TICRR: variants seen among roughly 807,000 people sequenced by gnomAD.
TICRR encodes TOPBP1 interacting checkpoint and replication regulator.
Under a neutral mutation model 178.1 loss-of-function variants are expected in TICRR, and 132 were observed. That is an observed-to-expected ratio of 0.74 (90% CI 0.64 to 0.86). The LOEUF (loss-of-function observed/expected upper bound fraction) is 0.86. TICRR is among the 40% of genes least tolerant of loss of function. TICRR has a pLI of 0.00. For missense variants in TICRR, 2,587 were observed against 2,334.3 expected (o/e 1.11, Z -2.23); for synonymous variants, 991 against 900.7 (o/e 1.10, Z -1.79).
At position 89,624,807 on chromosome 15, in the gene TICRR, TTCTC is replaced by T; in HGVS notation, c.4499_4502del (p.Ser1500CysfsTer19). ...TAAGGACAGCAGATGCTGAGAAGTC[TTCTC>T]TGTCTCACCCTGGGATTCCCCCATC... On this transcript the variant is annotated frameshift_variant, in exon 20 of 22. Transcript: ENST00000268138. LOFTEE classifies it high-confidence loss of function. 1 of 1,614,168 alleles carries T rather than the reference TTCTC, an allele frequency of 6.2e-7. No individual in the cohort carries two copies. The highest frequency in any genetic ancestry group is 8.5e-7 in the Non-Finnish European group (1 of 1,180,030).
intron 16 of TICRR, among the ~76,000 whole-genome samples, chr15:89,617,258 T>C (rs935970827): frequency 2.0e-5 from 3 of 152,240 alleles, no homozygotes; most frequent in Non-Finnish European, 4.4e-5. Context: ...ATATGGATTT[T>C]ACACACTTGT....
intron 4 of TICRR, among the ~76,000 whole-genome samples, chr15:89,587,501 GGGAATGA>G (rs1962841520): frequency 6.6e-6 from 1 of 152,084 alleles, no homozygotes; most frequent in Admixed American, 6.6e-5. Flanking sequence ...AAGCAGTCTG[GGGAATGA>G]GGAGAGAGAA....
intron 19 of TICRR, among the ~76,000 whole-genome samples, chr15:89,622,330 A>G (rs1022024747): frequency 6.6e-6 from 1 of 151,952 alleles, no homozygotes; most frequent in Non-Finnish European, 1.5e-5. Flanking sequence ...CCCTACTGCA[A>G]TTCCTACCCT....
At chr15:89,604,499 C>T (rs149740625) in intron 13 of TICRR, among the ~76,000 whole-genome samples, 185 of 152,280 alleles carry the variant, frequency 1.2e-3, no homozygotes, top group African/African-American at 4.0e-3. Context: ...AACGCCTGGG[C>T]GCAGTGGTTC....
intron 9 of TICRR, 76 bp downstream of exon 9, chr15:89,600,761 T>G (rs981001950): frequency 4.4e-6 from 3 of 682,718 alleles, no homozygotes; most frequent in Middle Eastern, 2.9e-4. Context: ...TAAAATAGAT[T>G]GTTCGTGACA....
chr15:89,591,020 A>G (rs982743110), intron 4 of TICRR, among the ~76,000 whole-genome samples: 12 of 152,172 alleles, frequency 7.9e-5, no homozygotes, highest in Non-Finnish European at 1.5e-4. Flanking sequence ...CACACTCCCC[A>G]ATACAGAGCC....
Position 89,624,666 on chromosome 15 carries a change from C to T in TICRR, c.4356C>T (p.Ser1452=), listed in dbSNP as rs1055701548. 3 of 1,613,976 alleles carry T rather than the reference C, an allele frequency of 1.9e-6. No homozygotes were observed. Among genetic ancestry groups the T allele is most frequent in the African/African-American group, 2.7e-5 (2 of 74,938 alleles). The part of the protein sequence containing the change: ...GPGLRSDWHA[S]SPLLITSDTE... ...GTCTCAGGAGTGATTGGCATGCATC[C>T]TCTCCTCTGCTCATTACAAGTGACA... is the stretch of plus-strand genomic sequence containing the variant. Residue 1452 remains serine, a synonymous_variant, in exon 20 of 22, where the codon TCC becomes TCT. Transcript: ENST00000268138.
intron 18 of TICRR, among the ~76,000 whole-genome samples, chr15:89,620,272 G>T (rs186396553): frequency 2.0e-5 from 3 of 151,526 alleles, no homozygotes; most frequent in East Asian, 3.9e-4. Context: ...GCAGTGGCAC[G>T]AACACAGCTC....
At chr15:89,617,879 T>G (rs915909988) in intron 16 of TICRR, 13 of 320,506 alleles carry the variant, frequency 4.1e-5, no homozygotes, top group Admixed American at 3.6e-4. Flanking sequence ...TTTAATAGAG[T>G]CGGGGTTTCA....
At chr15:89,593,854 A>G (rs1453844444) in intron 5 of TICRR, among the ~76,000 whole-genome samples, 1 of 152,246 alleles carries the variant, frequency 6.6e-6, no homozygotes, top group Non-Finnish European at 1.5e-5. Context: ...ATATTAAAAT[A>G]CAAATAACAC....
At chr15:89,594,854 C>T (rs1962970769) in intron 6 of TICRR, among the ~76,000 whole-genome samples, 1 of 151,958 alleles carries the variant, frequency 6.6e-6, no homozygotes, top group Non-Finnish European at 1.5e-5. Context: ...GATATTATTC[C>T]ATCTCATTGC....
At chr15:89,599,757 A>G (rs1963062584) in intron 8 of TICRR, among the ~76,000 whole-genome samples, 1 of 152,204 alleles carries the variant, frequency 6.6e-6, no homozygotes, top group Non-Finnish European at 1.5e-5. Flanking sequence ...CTGCATGATT[A>G]AGCCAGTGGT....
intron 7 of TICRR, among the ~76,000 whole-genome samples, chr15:89,597,656 C>T (rs1010980081): frequency 6.6e-6 from 1 of 152,068 alleles, no homozygotes; most frequent in Non-Finnish European, 1.5e-5. Context: ...TATAGTAAGT[C>T]CTGAAGGTTG....
Position 89,624,461 on chromosome 15 carries a change from G to C in TICRR, c.4151G>C (p.Arg1384Pro), listed in dbSNP as rs144917314. The C allele has an allele frequency of 3.7e-6, 6 of 1,614,140 alleles. No homozygotes were observed. Among genetic ancestry groups the C allele is most frequent in the Non-Finnish European group, 5.1e-6 (6 of 1,180,032 alleles). ...CCACCCCCTTCTAAAGTTGGGAAAC[G>C]GTGTAGAAAGACCTCTGATCCCAGA... is the stretch of plus-strand genomic sequence containing the variant. ...PPPPPSKVGK[R>P]CRKTSDPRRS... The change falls in exon 20 of 22, where the codon CGG becomes CCG. Residue 1384 changes from arginine to proline, a missense_variant. Arg to Pro is a moderately radical substitution (Grantham distance 103, BLOSUM62 -2). Transcript: ENST00000268138.
At chr15:89,593,048 G>T (rs1962939294) in intron 5 of TICRR, among the ~76,000 whole-genome samples, 1 of 152,220 alleles carries the variant, frequency 6.6e-6, no homozygotes, top group Non-Finnish European at 1.5e-5. Context: ...ATCAGGTAGT[G>T]TAAGTCCTCT....
At chr15:89,611,486 C>T (rs1418472644) in intron 15 of TICRR, among the ~76,000 whole-genome samples, 3 of 152,040 alleles carry the variant, frequency 2.0e-5, no homozygotes, top group Admixed American at 6.5e-5. Context: ...GCTTGGAGTT[C>T]GTGGAACTTC....
chr15:89,601,999 G>C lies in TICRR; in HGVS notation c.2567+23G>C, dbSNP rs372209830. 9 of 1,612,724 alleles carry C rather than the reference G, an allele frequency of 5.6e-6. No individual in the cohort carries two copies. In the African/African-American group the frequency reaches 9.4e-5, roughly 17 times the overall value. ...AAGGTAAGAGGTCAAAGAATCAAAG[G>C]AATTATTTGCACTGTTATAGTTCTG... On this transcript the variant is annotated intron_variant, in intron 12 of 21. Transcript: ENST00000268138.
At chr15:89,592,926 C>T (rs1221705687) in intron 5 of TICRR, among the ~76,000 whole-genome samples, 1 of 152,208 alleles carries the variant, frequency 6.6e-6, no homozygotes, top group Non-Finnish European at 1.5e-5. Context: ...CACCTTTGTG[C>T]AGATTGATTT....
intron 4 of TICRR, among the ~76,000 whole-genome samples, chr15:89,588,900 C>T (rs574294492): frequency 1.3e-4 from 19 of 151,916 alleles, no homozygotes; most frequent in Non-Finnish European, 2.5e-4. Context: ...GGATTTTTGT[C>T]GTTATTTTCA....
Sources: allele counts gnomAD v4.1 joint callset (sites outside exome capture counted in the v4.1 genomes callset), GRCh38; gene constraint gnomAD v4.1.1; transcripts MANE v1.5; gene names NCBI Gene and HGNC (gene_info 2026-07-23, HGNC 2026-07-21).